Variants in PTPRM observed in about 807,000 individuals in gnomAD.
PTPRM encodes receptor-type tyrosine-protein phosphatase mu.
In PTPRM, 47 loss-of-function variants were observed where a neutral mutation model predicts 186.7. The ratio of observed to expected loss-of-function variants is 0.25; its 90% confidence interval spans 0.20 to 0.32. The LOEUF (loss-of-function observed/expected upper bound fraction) is 0.32. Among genes scored for constraint, PTPRM ranks in the 10% least tolerant of loss-of-function variants. PTPRM has a pLI of 1.00. For missense variants in PTPRM, 1,494 were observed against 1,865.0 expected (o/e 0.80, Z 3.66); for synonymous variants, 668 against 674.9 (o/e 0.99, Z 0.16).
chr18:8,203,311 G>A (rs889060216), intron 14 of PTPRM, among the ~76,000 whole-genome samples: 14 of 152,216 alleles, frequency 9.2e-5, no homozygotes, highest in Non-Finnish European at 1.8e-4. Context: ...AAACTACTAC[G>A]GACTGAATTT....
At chr18:8,295,739 G>A (rs2095090286) in intron 19 of PTPRM, among the ~76,000 whole-genome samples, 1 of 152,114 alleles carries the variant, frequency 6.6e-6, no homozygotes, top group Admixed American at 6.5e-5. Context: ...ACTGAGAGTA[G>A]GGGACATTTT....
At chr18:7,758,564 G>T (rs1452798017) in intron 1 of PTPRM, among the ~76,000 whole-genome samples, 1 of 152,040 alleles carries the variant, frequency 6.6e-6, no homozygotes, top group Non-Finnish European at 1.5e-5. Context: ...GATTTTTTTG[G>T]AAACACTTCA....
chr18:8,375,041 G>A (rs6506578), intron 24 of PTPRM, among the ~76,000 whole-genome samples: 5,113 of 152,238 alleles, frequency 0.034, 116 homozygotes, highest in African/African-American at 0.063. Context: ...CGTTGATTCC[G>A]GTTTTGTTTT....
rs567297402 is a variant in PTPRM, at chr18:7,651,351, C to A, written c.73+83460C>A. Among the ~76,000 whole-genome samples the A allele has an allele frequency of 2.0e-5, 3 of 152,136 alleles. No individual in the cohort carries two copies. In the South Asian group the frequency reaches 6.2e-4, roughly 32 times the overall value. ...ATTAAAAACTGCTCTTCAAAAAACA[C>A]CCTTAAGAGAATAAAAAGCCACAGA... On this transcript the variant is annotated intron_variant, in intron 1 of 32. Coordinates refer to ENST00000580170, the MANE Select transcript of PTPRM (RefSeq NM_001105244.2).
chr18:8,324,400 A>G (rs568688703), intron 22 of PTPRM, among the ~76,000 whole-genome samples: 1 of 152,258 alleles, frequency 6.6e-6, no homozygotes, highest in South Asian at 2.1e-4. Context: ...CTCACCTTTC[A>G]ACAATTTTAG....
At chr18:8,126,042 A>T (rs1254721620) in intron 13 of PTPRM, among the ~76,000 whole-genome samples, 6 of 92,974 alleles carry the variant, frequency 6.5e-5, no homozygotes, top group Admixed American at 3.1e-4. Context: ...AAATCAGTAG[A>T]CCTTTCCATT....
chr18:7,793,383 C>G (rs1343808181), intron 2 of PTPRM, among the ~76,000 whole-genome samples: 1 of 152,170 alleles, frequency 6.6e-6, no homozygotes, highest in Non-Finnish European at 1.5e-5. Flanking sequence ...GAGCTTAGGA[C>G]AATGTCTGAT....
At chr18:7,780,098 G>C (rs1373645451) in intron 2 of PTPRM, among the ~76,000 whole-genome samples, 1 of 152,136 alleles carries the variant, frequency 6.6e-6, no homozygotes, top group East Asian at 1.9e-4. Flanking sequence ...AAAAAAGTAA[G>C]ATAAAAAGTC....
intron 22 of PTPRM, among the ~76,000 whole-genome samples, chr18:8,319,537 G>A (rs1350047102): frequency 6.6e-6 from 1 of 152,234 alleles, no homozygotes; most frequent in African/African-American, 2.4e-5. Flanking sequence ...TCTCTACACA[G>A]GGAACTGTGC....
chr18:8,169,499 G>A (rs1043694513), intron 14 of PTPRM, among the ~76,000 whole-genome samples: 1 of 152,132 alleles, frequency 6.6e-6, no homozygotes, highest in Non-Finnish European at 1.5e-5. Flanking sequence ...ACTTCATAAA[G>A]TGTACCTCCA....
At chr18:7,674,539 G>A (rs1421426649) in intron 1 of PTPRM, among the ~76,000 whole-genome samples, 1 of 152,112 alleles carries the variant, frequency 6.6e-6, no homozygotes, top group Non-Finnish European at 1.5e-5. Flanking sequence ...GGAGAAGGAG[G>A]GAGAACACCA....
At chr18:7,882,103 T>C (rs974056242) in intron 2 of PTPRM, among the ~76,000 whole-genome samples, 1 of 152,178 alleles carries the variant, frequency 6.6e-6, no homozygotes, top group African/African-American at 2.4e-5. Flanking sequence ...AGATCAGAGC[T>C]GGCCCACTCA....
intron 1 of PTPRM, among the ~76,000 whole-genome samples, chr18:7,693,541 AG>A (rs2039779608): frequency 2.0e-5 from 3 of 152,202 alleles, no homozygotes; most frequent in Admixed American, 2.0e-4. Flanking sequence ...AAAACTTTTA[AG>A]GTAATTCACT....
At chr18:8,392,511 C>G (rs1405313340) in intron 31 of PTPRM, among the ~76,000 whole-genome samples, 5 of 151,942 alleles carry the variant, frequency 3.3e-5, no homozygotes, top group African/African-American at 4.8e-5. Context: ...CCTGTAGTCC[C>G]AGCTACTCGG....
intron 1 of PTPRM, among the ~76,000 whole-genome samples, chr18:7,731,919 T>C (rs990898098): frequency 1.3e-5 from 2 of 152,234 alleles, no homozygotes; most frequent in Admixed American, 6.5e-5. Context: ...TTGTTATGTG[T>C]TGCCATCTTG....
intron 13 of PTPRM, among the ~76,000 whole-genome samples, chr18:8,140,044 G>A (rs973009255): frequency 6.6e-6 from 1 of 152,104 alleles, no homozygotes; most frequent in African/African-American, 2.4e-5. Context: ...GGTCAACCTC[G>A]TACTAGTCAC....
intron 23 of PTPRM, among the ~76,000 whole-genome samples, chr18:8,344,880 C>A (rs62085040): frequency 0.07 from 10,654 of 152,042 alleles, 406 homozygotes; most frequent in South Asian, 0.1. Flanking sequence ...ACAGTAGACC[C>A]TCAGAGAAAG....
At chr18:8,238,540 A>G (rs9961090) in intron 14 of PTPRM, among the ~76,000 whole-genome samples, 42,231 of 151,634 alleles carry the variant, frequency 0.28, 6,786 homozygotes, top group African/African-American at 0.45. Context: ...ATTAGAGCTC[A>G]TAGCATACTA....
chr18:8,349,801 C>T (rs2095524631), intron 23 of PTPRM, among the ~76,000 whole-genome samples: 1 of 152,206 alleles, frequency 6.6e-6, no homozygotes, highest in Non-Finnish European at 1.5e-5. Flanking sequence ...GAACAGCACA[C>T]CTGCCTCCTG....
Sources: allele counts gnomAD v4.1 joint callset (sites outside exome capture counted in the v4.1 genomes callset), GRCh38; gene constraint gnomAD v4.1.1; transcripts MANE v1.5; gene names NCBI Gene and HGNC (gene_info 2026-07-23, HGNC 2026-07-21).